Variants in CPNE8 observed in about 807,000 individuals in gnomAD.
CPNE8 encodes copine 8.
CPNE8 carries 45 observed loss-of-function variants against 81.5 expected under a neutral mutation model. The ratio of observed to expected loss-of-function variants is 0.55; its 90% CI spans 0.44 to 0.71. CPNE8 has a LOEUF of 0.71. CPNE8 is among the 30% of genes least tolerant of loss of function. The pLI, the probability that CPNE8 is intolerant of heterozygous loss-of-function variation, is 0.00. For synonymous variants in CPNE8, 252 were observed against 226.3 expected, an observed-to-expected ratio of 1.11 and a Z score of -1.02; for missense variants, 594 against 672.1, an observed-to-expected ratio of 0.88 and a Z score of 1.28.
intron 10 of CPNE8, among the ~76,000 whole-genome samples, chr12:38,736,314 A>T (rs1940952889): frequency 6.6e-6 from 1 of 150,584 alleles, no homozygotes; most frequent in Non-Finnish European, 1.5e-5. Flanking sequence ...ATATTTTATT[A>T]ATTTTATTTT....
At chr12:38,776,344 T>A (rs1941935636) in intron 6 of CPNE8, 43 bp from the exon 7 acceptor site, 1 of 664,254 alleles carries the variant, frequency 1.5e-6, no homozygotes, top group South Asian at 4.0e-5. Flanking sequence ...ATATGTTATA[T>A]TAATACTATA....
intron 1 of CPNE8, among the ~76,000 whole-genome samples, chr12:38,897,415 A>G (rs1436637681): frequency 1.3e-5 from 2 of 152,080 alleles, no homozygotes; most frequent in Non-Finnish European, 2.9e-5. Context: ...ACTCATTTTT[A>G]ACACTGTTTT....
At chr12:38,810,870 A>C (rs760460769) in intron 6 of CPNE8, among the ~76,000 whole-genome samples, 1 of 152,144 alleles carries the variant, frequency 6.6e-6, no homozygotes, top group Non-Finnish European at 1.5e-5. Flanking sequence ...GGCTCCCTAC[A>C]TCTTCCAGCC....
At chr12:38,693,916 C>G (rs1303767603) in intron 14 of CPNE8, 78 bp from the exon 15 acceptor site, 2 of 1,182,938 alleles carry the variant, frequency 1.7e-6, no homozygotes, top group Non-Finnish European at 2.3e-6. Flanking sequence ...GTGTCTATTT[C>G]AGAATGAAAT....
intron 10 of CPNE8, among the ~76,000 whole-genome samples, chr12:38,746,120 T>C (rs1419321959): frequency 6.6e-6 from 1 of 152,124 alleles, no homozygotes; most frequent in Non-Finnish European, 1.5e-5. Context: ...TAGAAAGAGG[T>C]CAAGGTATTC....
chr12:38,901,766 TGCCTATCCA>T (rs1031196819), intron 1 of CPNE8, among the ~76,000 whole-genome samples: 32 of 152,220 alleles, frequency 2.1e-4, no homozygotes, highest in Middle Eastern at 3.4e-3. Flanking sequence ...ATCCAAACCA[TGCCTATCCA>T]GCTTGTCTCT....
At chr12:38,790,729 T>C (rs1172087554) in intron 6 of CPNE8, among the ~76,000 whole-genome samples, 3 of 151,628 alleles carry the variant, frequency 2.0e-5, no homozygotes, top group Admixed American at 6.6e-5. Flanking sequence ...TATATACCAC[T>C]ATGTACCCAC....
At position 38,902,393 on chromosome 12, in the gene CPNE8, G is replaced by GAGAAAGAAAGAAAGAAAGAAAGAAAGAA. The variant is rs1295439144; in HGVS notation, c.98+3043_98+3044insTTCTTTCTTTCTTTCTTTCTTTCTTTCT. Among the ~76,000 whole-genome samples, 69 of 54,542 alleles carry GAGAAAGAAAGAAAGAAAGAAAGAAAGAA rather than the reference G, an allele frequency of 1.3e-3. 1 individual carries two copies. Among genetic ancestry groups the GAGAAAGAAAGAAAGAAAGAAAGAAAGAA allele is most frequent in the East Asian group, 8.8e-3 (13 of 1,470 alleles). 35.8% of individuals were successfully genotyped at this position (54,542 alleles called of 152,430 possible). Reference sequence around the variant, plus strand: ...GAAAGAAAGAAAGAAAAGAAAGAAAGAGAAAGAAAGAAAGAAAGAAAGAAA... The same window carrying GAGAAAGAAAGAAAGAAAGAAAGAAAGAA: ...GAAAGAAAGAAAGAAAAGAAAGAAAGAGAAAGAAAGAAAGAAAGAAAGAAAGAAAGAAAGAAAGAAAGAAAGAAAGAAA... On this transcript the variant is annotated intron_variant, in intron 1 of 19. Transcript: ENST00000331366.
intron 1 of CPNE8, among the ~76,000 whole-genome samples, chr12:38,899,434 A>G (rs1224374817): frequency 2.6e-5 from 4 of 152,324 alleles, no homozygotes. Flanking sequence ...GATCGCAGAC[A>G]TCCATCCTCT....
At chr12:38,897,489 C>A in intron 1 of CPNE8, among the ~76,000 whole-genome samples, 1 of 151,722 alleles carries the variant, frequency 6.6e-6, no homozygotes, top group Admixed American at 6.6e-5. Flanking sequence ...CATAGTACAA[C>A]CATATAATAG....
At chr12:38,903,871 G>T (rs1407424211) in intron 1 of CPNE8, among the ~76,000 whole-genome samples, 2 of 152,138 alleles carry the variant, frequency 1.3e-5, no homozygotes, top group Non-Finnish European at 2.9e-5. Flanking sequence ...CAGCAATGAG[G>T]CAAGAGCTTA....
chr12:38,871,613 A>C (rs1260813154), intron 3 of CPNE8, among the ~76,000 whole-genome samples: 1 of 152,222 alleles, frequency 6.6e-6, no homozygotes, highest in East Asian at 1.9e-4. Context: ...CTGAATAAAA[A>C]GGCTGGCTTA....
chr12:38,771,171 A>G (rs533307705), intron 7 of CPNE8, among the ~76,000 whole-genome samples: 2 of 152,132 alleles, frequency 1.3e-5, no homozygotes, highest in Non-Finnish European at 2.9e-5. Context: ...AAAATACTAC[A>G]TAAAAGGCCA....
At chr12:38,699,397 T>C (rs1039159095) in intron 14 of CPNE8, among the ~76,000 whole-genome samples, 10 of 152,230 alleles carry the variant, frequency 6.6e-5, no homozygotes, top group Non-Finnish European at 1.5e-4. Context: ...TATTTATGCA[T>C]TTATATTGTT....
At chr12:38,852,156 G>A (rs7977506) in intron 3 of CPNE8, among the ~76,000 whole-genome samples, 12 of 152,146 alleles carry the variant, frequency 7.9e-5, no homozygotes, top group East Asian at 5.8e-4. Context: ...GGCTGGGCGC[G>A]GTGGCTCACA....
At chr12:38,833,897 T>C (rs1385513674) in intron 5 of CPNE8, among the ~76,000 whole-genome samples, 2 of 152,116 alleles carry the variant, frequency 1.3e-5, no homozygotes, top group Non-Finnish European at 2.9e-5. Context: ...GAGGGAACCA[T>C]GTGAATATCT....
At chr12:38,850,222 C>G (rs1381367612) in intron 3 of CPNE8, among the ~76,000 whole-genome samples, 1 of 152,144 alleles carries the variant, frequency 6.6e-6, no homozygotes, top group African/African-American at 2.4e-5. Context: ...TGTTTCCAAA[C>G]CAGAGCAGAG....
intron 1 of CPNE8, among the ~76,000 whole-genome samples, chr12:38,883,924 C>T (rs945266400): frequency 4.6e-5 from 7 of 152,152 alleles, no homozygotes; most frequent in Non-Finnish European, 8.8e-5. Context: ...TTACCTAAGG[C>T]GTCCCTAGGC....
chr12:38,653,534 C>T lies in CPNE8; in HGVS notation c.*348G>A, dbSNP rs1029449840. ...GATACAGAGACTGCTTTCCTATACA[C>T]ATAGCAGTCGAAGACAATATTTGAG... On this transcript the variant is annotated 3_prime_UTR_variant, in exon 20 of 20. Transcript: ENST00000331366. The T allele has an allele frequency of 2.1e-5, 4 of 188,838 alleles. No individual in the cohort carries two copies. The highest frequency in any genetic ancestry group is 4.2e-5 in the Non-Finnish European group (4 of 95,234). The allele number at this position is 188,838 out of a possible 1,614,324, so 11.7% of individuals were successfully genotyped here.
Sources: gnomAD v4.1 joint callset for allele counts (sites outside exome capture counted in the v4.1 genomes callset) on GRCh38, gnomAD v4.1.1 for gene constraint, MANE v1.5 for transcripts, NCBI Gene and HGNC (gene_info 2026-07-23, HGNC 2026-07-21) for gene names.